The following ADAMTS2 variants were observed in gnomAD, a reference collection of about 807,000 sequenced individuals.
The protein encoded by ADAMTS2 is ADAM metallopeptidase with thrombospondin type 1 motif 2.
A neutral mutation model predicts 123.0 loss-of-function variants in ADAMTS2; 50 were observed. The ratio of observed to expected loss-of-function variants is 0.41; its 90% CI spans 0.32 to 0.51. ADAMTS2 has a LOEUF of 0.51. Ranked by LOEUF, ADAMTS2 falls within the 20% of genes least tolerant of loss-of-function variation. ADAMTS2 has a pLI of 0.35. For synonymous variants in ADAMTS2, 678 were observed against 695.4 expected (o/e 0.98, Z 0.39); for missense variants, 1,494 against 1,705.2 (o/e 0.88, Z 2.18).
chr5:179,121,723 C>T lies in ADAMTS2; in HGVS notation c.3116G>A (p.Ser1039Asn), dbSNP rs771197106. The T allele has an allele frequency of 1.2e-5, 19 of 1,590,898 alleles. No individual in the cohort carries two copies. In the Admixed American group the frequency reaches 2.4e-4, roughly 20 times the overall value. The change falls in exon 21 of 22, where the codon AGC (serine) becomes AAC (asparagine). Residue 1039 changes from serine to asparagine, a missense_variant. This residue lies in a region of ADAMTS2 where 953 missense variants were observed against 1,124.7 expected (regional missense o/e 0.85). Coordinates refer to ENST00000251582, the MANE Select transcript of ADAMTS2 (RefSeq NM_014244.5). ...PRNISDPSKK[S>N]YVVQWLSRPD... ...GCGGGACAGCCACTGAACTACGTAGCTCTTCTTGGAGGGATCTGAGATGTT... is the reference window on the plus strand; with the variant it reads ...GCGGGACAGCCACTGAACTACGTAGTTCTTCTTGGAGGGATCTGAGATGTT...
chr5:179,321,193 G>A (rs544842954), intron 2 of ADAMTS2, among the ~76,000 whole-genome samples: 3 of 151,826 alleles, frequency 2.0e-5, no homozygotes, highest in South Asian at 4.2e-4. Context: ...CCTCATCCTC[G>A]GTCCCTGAGC....
chr5:179,207,793 T>A (rs1303337439), intron 3 of ADAMTS2, 78 bp from the exon 4 acceptor site: 3 of 1,326,202 alleles, frequency 2.3e-6, no homozygotes, highest in African/African-American at 1.4e-5. Context: ...AGCTTGGCCA[T>A]CCTCTCATTT....
At chr5:179,213,022 G>T (rs1419495282) in intron 3 of ADAMTS2, among the ~76,000 whole-genome samples, 2 of 152,026 alleles carry the variant, frequency 1.3e-5, no homozygotes, top group African/African-American at 4.8e-5. Context: ...GCTCTTGAAA[G>T]ACAGGAGCAT....
chr5:179,277,322 C>CA (rs1307556199), intron 2 of ADAMTS2, among the ~76,000 whole-genome samples: 1 of 57,558 alleles, frequency 1.7e-5, no homozygotes. Context: ...AAGGCTGACA[C>CA]CCCGAGACCA....
At chr5:179,326,467 G>T (rs1267400127) in intron 2 of ADAMTS2, among the ~76,000 whole-genome samples, 1 of 131,724 alleles carries the variant, frequency 7.6e-6, no homozygotes, top group African/African-American at 2.8e-5. Flanking sequence ...TCCTACCCCG[G>T]CCTGTGCCCC....
chr5:179,301,026 C>G (rs1581257292), intron 2 of ADAMTS2, among the ~76,000 whole-genome samples: 1 of 152,302 alleles, frequency 6.6e-6, no homozygotes, highest in East Asian at 1.9e-4. Context: ...GGCCAGCCCC[C>G]TCCTGGCCTC....
In ADAMTS2 at chr5:179,125,020, T is replaced by A; in HGVS notation, c.2911A>T (p.Ser971Cys). The A allele has an allele frequency of 6.2e-7, 1 of 1,607,682 alleles. No individual in the cohort carries two copies. Among genetic ancestry groups the A allele is most frequent in the Non-Finnish European group, 8.5e-7 (1 of 1,178,612 alleles). The change falls in exon 19 of 22, where the codon AGC (serine) becomes TGC (cysteine). Residue 971 changes from serine (S) to cysteine (C), a missense_variant. By Grantham distance (112) the Ser-to-Cys change is moderately radical. Coordinates refer to ENST00000251582, the MANE Select transcript of ADAMTS2 (RefSeq NM_014244.5). ...CAACGACCAGGGCAGAGCTCGCGGC[T>A]GCAGGCCCGGCGGCTCTCGGGCCGG... ...DARPESRRAC[S>C]RELCPGRWRA...
chr5:179,162,701 G>A lies in ADAMTS2; in HGVS notation c.976-3822C>T, dbSNP rs778061695. On this transcript the variant is annotated intron_variant, in intron 5 of 21. Transcript: ENST00000251582. The surrounding 1 kb of genome is among the most constrained non-coding windows in gnomAD (Gnocchi z 5.1). ...TGATAGAATCTCAGTCCCGCCTACCGCAGGGCATGGACATTAAGAGACTGG... is the reference window on the plus strand; with the variant it reads ...TGATAGAATCTCAGTCCCGCCTACCACAGGGCATGGACATTAAGAGACTGG... Among the ~76,000 whole-genome samples, 16 of 152,336 alleles carry A rather than the reference G, an allele frequency of 1.1e-4. No individual in the cohort carries two copies. The highest frequency in any genetic ancestry group is 2.6e-4 in the African/African-American group (11 of 41,584).
chr5:179,319,532 C>A (rs1757099511), intron 2 of ADAMTS2, among the ~76,000 whole-genome samples: 1 of 152,134 alleles, frequency 6.6e-6, no homozygotes, highest in African/African-American at 2.4e-5. Flanking sequence ...CACACATCAG[C>A]CACACACATG....
chr5:179,343,987 G>A lies in ADAMTS2; in HGVS notation c.314C>T (p.Pro105Leu). Reference protein sequence around the residue: ...PSFPGGNEEEPGSHLFYNVTV... With the variant: ...PSFPGGNEEELGSHLFYNVTV... ...GACATTGTAGAAGAGGTGACTGCCA[G>A]GCTCCTCCTCGTTGCCTCCGGGGAA... Residue 105 changes from proline (P) to leucine (L), a missense_variant, in exon 2 of 22, where the codon CCT becomes CTT. Coordinates refer to ENST00000251582, the MANE Select transcript of ADAMTS2 (RefSeq NM_014244.5). The A allele has an allele frequency of 6.2e-7, 1 of 1,612,694 alleles. No individual in the cohort carries two copies. The highest frequency in any genetic ancestry group is 2.2e-5 in the East Asian group (1 of 44,864).
chr5:179,133,260 T>C (rs1380801323), intron 13 of ADAMTS2, among the ~76,000 whole-genome samples: 2 of 152,052 alleles, frequency 1.3e-5, no homozygotes, highest in Non-Finnish European at 2.9e-5. Flanking sequence ...AAGCAGGAGA[T>C]GCTGTTTATT....
At chr5:179,227,351 CA>C (rs1765313635) in intron 3 of ADAMTS2, among the ~76,000 whole-genome samples, 1 of 152,310 alleles carries the variant, frequency 6.6e-6, no homozygotes, top group Non-Finnish European at 1.5e-5. Flanking sequence ...CCCCAGGGGT[CA>C]GGGGCAGAGG....
intron 2 of ADAMTS2, among the ~76,000 whole-genome samples, chr5:179,330,494 T>C (rs1178123689): frequency 6.6e-6 from 1 of 152,258 alleles, no homozygotes; most frequent in Non-Finnish European, 1.5e-5. Context: ...TGGTTTTTAA[T>C]GTCCCTAGTC....
intron 2 of ADAMTS2, among the ~76,000 whole-genome samples, chr5:179,337,061 C>A (rs986708255): frequency 1.3e-5 from 2 of 152,214 alleles, no homozygotes; most frequent in African/African-American, 4.8e-5. Context: ...CAGCTCCGGG[C>A]TCGGTAATAA....
chr5:179,153,754 G>T (rs1019241946), intron 8 of ADAMTS2, 131 bp from the exon 9 acceptor site: 95 of 1,360,164 alleles, frequency 7.0e-5, no homozygotes, highest in Non-Finnish European at 9.2e-5. Context: ...TGGCTGTGCT[G>T]CCTCAGTTTC....
At chr5:179,329,065 T>C (rs6892617) in intron 2 of ADAMTS2, among the ~76,000 whole-genome samples, 12,364 of 152,104 alleles carry the variant, frequency 0.081, 774 homozygotes, top group African/African-American at 0.19. Flanking sequence ...CAGTGGCTCA[T>C]GCCTGCAATC....
At chr5:179,305,056 A>G (rs569462880) in intron 2 of ADAMTS2, among the ~76,000 whole-genome samples, 43 of 77,738 alleles carry the variant, frequency 5.5e-4, no homozygotes, top group African/African-American at 1.8e-3. Context: ...TAAAATGCTG[A>G]AAAAAAAAAA....
chr5:179,124,518 T>C (rs1271435531), intron 19 of ADAMTS2, among the ~76,000 whole-genome samples: 1 of 152,200 alleles, frequency 6.6e-6, no homozygotes, highest in African/African-American at 2.4e-5. Context: ...ACCCTCAGTT[T>C]CCTGGGATTC....
intron 2 of ADAMTS2, among the ~76,000 whole-genome samples, chr5:179,322,417 G>A (rs377675225): frequency 6.6e-6 from 1 of 152,160 alleles, no homozygotes; most frequent in Non-Finnish European, 1.5e-5. Flanking sequence ...GGGAGTGCAG[G>A]GTCCAGTTCT....
Sources: allele counts gnomAD v4.1 joint callset (sites outside exome capture counted in the v4.1 genomes callset), GRCh38; gene constraint gnomAD v4.1.1; regional missense constraint gnomAD v4.1.1; non-coding constraint Gnocchi (gnomAD v3.1); transcripts MANE v1.5; gene names NCBI Gene and HGNC (gene_info 2026-07-23, HGNC 2026-07-21).